Variants in BEST3 observed in about 807,000 individuals in gnomAD.
The protein encoded by BEST3 is bestrophin-3.
In BEST3, 50 loss-of-function variants were observed where a neutral mutation model predicts 47.1. That is an observed-to-expected ratio of 1.06 (90% CI 0.85 to 1.34). The LOEUF (loss-of-function observed/expected upper bound fraction) is 1.34. Ranked by LOEUF, BEST3 falls within the 40% of genes most tolerant of loss-of-function variation. The probability of loss-of-function intolerance (pLI) is 0.00; values close to 1 mark genes in which losing one functional copy is unlikely to be tolerated. For synonymous variants in BEST3, 282 were observed against 298.8 expected, an observed-to-expected ratio of 0.94 and a Z score of 0.58; for missense variants, 765 against 817.0, an observed-to-expected ratio of 0.94 and a Z score of 0.78.
Position 69,654,244 on chromosome 12 carries a change from C to T in BEST3, c.*663G>A. On this transcript the variant is annotated 3_prime_UTR_variant, in exon 10 of 10. Coordinates refer to ENST00000330891, the MANE Select transcript of BEST3 (RefSeq NM_032735.3). ...GGGACAGATTACTAGAAAAGCAGCA[C>T]AACCAGGGAGAAGGGAAGGGAAAAA... The T allele has an allele frequency of 1.0e-6, 1 of 984,140 alleles. No homozygotes were observed. Among genetic ancestry groups the T allele is most frequent in the Non-Finnish European group, 1.2e-6 (1 of 829,522 alleles). The allele number at this position is 984,140 out of a possible 1,614,324, so 61.0% of individuals were successfully genotyped here.
At chr12:69,684,981 GTTCTA>G (rs59611126) in intron 4 of BEST3, among the ~76,000 whole-genome samples, 20,886 of 142,084 alleles carry the variant, frequency 0.15, 1,494 homozygotes, top group Admixed American at 0.16. Flanking sequence ...GCTTTCTGCT[GTTCTA>G]TTCTATTCTA....
chr12:69,665,712 A>G (rs1295331217), intron 9 of BEST3, among the ~76,000 whole-genome samples: 1 of 152,240 alleles, frequency 6.6e-6, no homozygotes, highest in African/African-American at 2.4e-5. Context: ...GAGGAGGGAA[A>G]CAGACCAGAG....
chr12:69,685,689 A>T (rs1263881048), intron 4 of BEST3, among the ~76,000 whole-genome samples: 1 of 152,132 alleles, frequency 6.6e-6, no homozygotes, highest in South Asian at 2.1e-4. Flanking sequence ...AGCCTGTTTA[A>T]AATGTCAATT....
At chr12:69,664,204 T>C (rs1474322557) in intron 9 of BEST3, among the ~76,000 whole-genome samples, 1 of 152,222 alleles carries the variant, frequency 6.6e-6, no homozygotes, top group Admixed American at 6.5e-5. Flanking sequence ...AGCACTGGTT[T>C]GGTGTTAAAG....
chr12:69,693,981 A>G, intron 3 of BEST3, 74 bp from the exon 4 acceptor site: 1 of 1,169,392 alleles, frequency 8.6e-7, no homozygotes, highest in Non-Finnish European at 1.2e-6. Context: ...TTTTAGCTGA[A>G]TTTTAGCCTT....
chr12:69,652,350 G>A (rs191402417), downstream of BEST3, among the ~76,000 whole-genome samples: 709 of 152,312 alleles, frequency 4.7e-3, 5 homozygotes, highest in African/African-American at 0.016. Context: ...AAAGGAGCTA[G>A]GCAGGCAATG....
At chr12:69,649,375 G>A (rs1451088111), downstream of BEST3, among the ~76,000 whole-genome samples, 1 of 152,252 alleles carries the variant, frequency 6.6e-6, no homozygotes, top group Non-Finnish European at 1.5e-5. Flanking sequence ...ACTCTTACTG[G>A]TAGGAGCCAT....
chr12:69,656,328 T>C (rs1322019772), intron 9 of BEST3, among the ~76,000 whole-genome samples: 1 of 151,908 alleles, frequency 6.6e-6, no homozygotes. Context: ...TCTAGAGACT[T>C]GGACATTAAG....
chr12:69,671,161 G>GAATA (rs1357185340), intron 9 of BEST3, among the ~76,000 whole-genome samples: 3 of 152,030 alleles, frequency 2.0e-5, no homozygotes, highest in Non-Finnish European at 4.4e-5. Context: ...TAATTTTCGT[G>GAATA]AATTAATTAA....
At chr12:69,685,027 TTC>T (rs200152764) in intron 4 of BEST3, among the ~76,000 whole-genome samples, 1 of 146,494 alleles carries the variant, frequency 6.8e-6, no homozygotes, top group Non-Finnish European at 1.6e-5. Flanking sequence ...TTCTATTCTA[TTC>T]TATTCTATTG....
At chr12:69,662,231 A>G (rs1296549796) in intron 9 of BEST3, among the ~76,000 whole-genome samples, 2 of 152,172 alleles carry the variant, frequency 1.3e-5, no homozygotes, top group Non-Finnish European at 2.9e-5. Context: ...TGAAAAATCA[A>G]TGTTCCCAGA....
intron 9 of BEST3, among the ~76,000 whole-genome samples, chr12:69,644,978 G>C (rs1412121793): frequency 6.6e-6 from 1 of 152,068 alleles, no homozygotes; most frequent in Non-Finnish European, 1.5e-5. Flanking sequence ...CAGCTATTTG[G>C]TTTTGGGCCT....
chr12:69,672,991 C>T, intron 7 of BEST3, 26 bp from the exon 8 acceptor site: 1 of 1,551,262 alleles, frequency 6.4e-7, no homozygotes, highest in Non-Finnish European at 8.8e-7. Flanking sequence ...TAAAATAAAT[C>T]CATCATGATA....
intron 4 of BEST3, among the ~76,000 whole-genome samples, chr12:69,679,220 A>G (rs546656978): frequency 6.6e-6 from 1 of 152,372 alleles, no homozygotes; most frequent in East Asian, 1.9e-4. Flanking sequence ...TTAGTCATCT[A>G]AAGTTGGGAA....
chr12:69,656,347 A>G (rs1438372883), intron 9 of BEST3, among the ~76,000 whole-genome samples: 1 of 143,512 alleles, frequency 7.0e-6, no homozygotes, highest in East Asian at 2.0e-4. Context: ...AGAAATATCT[A>G]TATATCTATA....
intron 9 of BEST3, among the ~76,000 whole-genome samples, chr12:69,659,831 C>T (rs866218117): frequency 1.8e-4 from 28 of 151,844 alleles, no homozygotes; most frequent in African/African-American, 3.4e-4. Flanking sequence ...AAATATTATA[C>T]GATAGAATAA....
intron 8 of BEST3, among the ~76,000 whole-genome samples, chr12:69,672,211 G>A (rs1452758737): frequency 6.6e-6 from 1 of 152,228 alleles, no homozygotes; most frequent in East Asian, 1.9e-4. Flanking sequence ...CTGACATTGG[G>A]ATCTACTGTG....
intron 4 of BEST3, among the ~76,000 whole-genome samples, chr12:69,692,429 C>T (rs777540342): frequency 8.5e-5 from 13 of 152,206 alleles, no homozygotes; most frequent in Non-Finnish European, 1.6e-4. Flanking sequence ...CAAAGAGAAT[C>T]ATCCTTTAAC....
chr12:69,651,351 G>A (rs1445041555), downstream of BEST3, among the ~76,000 whole-genome samples: 1 of 152,166 alleles, frequency 6.6e-6, no homozygotes, highest in Non-Finnish European at 1.5e-5. Flanking sequence ...TCAGAAGAAC[G>A]CAGACTTGTT....
Sources: gnomAD v4.1 joint callset for allele counts (sites outside exome capture counted in the v4.1 genomes callset) on GRCh38, gnomAD v4.1.1 for gene constraint, MANE v1.5 for transcripts, NCBI Gene and HGNC (gene_info 2026-07-23, HGNC 2026-07-21) for gene names.